The following SIK3 variants were observed in gnomAD, a reference collection of about 807,000 sequenced individuals.
SIK3 encodes SIK family kinase 3.
In SIK3, 28 loss-of-function variants were observed where a neutral mutation model predicts 144.2. That is an observed-to-expected ratio of 0.19 (90% CI 0.14 to 0.27). The LOEUF is 0.27. Ranked by LOEUF, SIK3 falls within the 10% of genes least tolerant of loss-of-function variation. SIK3 has a pLI of 1.00. For synonymous variants in SIK3, 686 were observed against 676.3 expected (o/e 1.01, Z -0.22); for missense variants, 1,319 against 1,776.0 (o/e 0.74, Z 4.62).
chr11:117,029,329 C>T lies in SIK3; in HGVS notation c.273+68814G>A, dbSNP rs1952158653. Among the ~76,000 whole-genome samples the T allele has an allele frequency of 2.0e-5, 3 of 152,086 alleles. No individual in the cohort carries two copies. In the South Asian group the frequency reaches 6.2e-4, roughly 32 times the overall value. ...AAAATTAGCTGGGCATGGTGGCAAG[C>T]ACCTATAGTCCCAGCTACTTAGGAG... On this transcript the variant is annotated intron_variant, in intron 1 of 24. Transcript: ENST00000445177.
rs78581689 is a variant in SIK3, at chr11:117,043,844, C to T, written c.273+54299G>A. On this transcript the variant is annotated intron_variant, in intron 1 of 24. Coordinates refer to ENST00000445177, the MANE Select transcript of SIK3 (RefSeq NM_001366686.3). ...TGTGTGAAACAAAACACAGTATAAACGATGTTTTATTCACCTTTATGCCAT... is the reference window on the plus strand; with the variant it reads ...TGTGTGAAACAAAACACAGTATAAATGATGTTTTATTCACCTTTATGCCAT... Among the ~76,000 whole-genome samples the T allele has an allele frequency of 8.4e-3, 1,286 of 152,272 alleles. 8 individuals are homozygous for T. The highest frequency in any genetic ancestry group is 0.012 in the Non-Finnish European group (826 of 68,012).
intron 1 of SIK3, among the ~76,000 whole-genome samples, chr11:117,083,844 T>C (rs1278457849): frequency 6.6e-6 from 1 of 152,182 alleles, no homozygotes; most frequent in Non-Finnish European, 1.5e-5. Flanking sequence ...TGTCAACTTG[T>C]TCCACAGAAC....
intron 3 of SIK3, among the ~76,000 whole-genome samples, chr11:116,931,555 G>A (rs1947603771): frequency 6.6e-6 from 1 of 152,198 alleles, no homozygotes; most frequent in African/African-American, 2.4e-5. Context: ...TACCCTGACA[G>A]CAGGACAAGC....
At chr11:116,969,868 G>A (rs1949707049) in intron 1 of SIK3, among the ~76,000 whole-genome samples, 1 of 152,198 alleles carries the variant, frequency 6.6e-6, no homozygotes, top group African/African-American at 2.4e-5. Flanking sequence ...AATGCAGTGG[G>A]TGCTGAGATT....
At chr11:116,879,704 G>C (rs1304671753) in intron 6 of SIK3, among the ~76,000 whole-genome samples, 2 of 152,136 alleles carry the variant, frequency 1.3e-5, no homozygotes, top group Non-Finnish European at 2.9e-5. Context: ...TCTTACATCA[G>C]GCATCAATTT....
intron 1 of SIK3, among the ~76,000 whole-genome samples, chr11:117,095,530 C>A (rs1955438113): frequency 1.3e-5 from 2 of 152,220 alleles, no homozygotes; most frequent in South Asian, 4.1e-4. Flanking sequence ...GCAGCAGCTT[C>A]GGCAACTTCT....
At chr11:116,960,582 A>G (rs1949306723) in intron 1 of SIK3, among the ~76,000 whole-genome samples, 1 of 152,200 alleles carries the variant, frequency 6.6e-6, no homozygotes, top group South Asian at 2.1e-4. Context: ...GCAGTTGAAT[A>G]TAGTACTGAA....
intron 1 of SIK3, among the ~76,000 whole-genome samples, chr11:117,069,549 C>A (rs1286448443): frequency 6.6e-6 from 1 of 152,158 alleles, no homozygotes; most frequent in African/African-American, 2.4e-5. Flanking sequence ...TTGTTCAAAT[C>A]ACCATCTAGA....
intron 3 of SIK3, among the ~76,000 whole-genome samples, chr11:116,938,606 GA>G (rs1429268546): frequency 9.9e-5 from 7 of 70,970 alleles, no homozygotes; most frequent in African/African-American, 3.3e-4. Flanking sequence ...GGGAGGAGAG[GA>G]GAGGAGAGGG....
chr11:117,078,065 A>G (rs1231792099), intron 1 of SIK3, among the ~76,000 whole-genome samples: 8 of 152,246 alleles, frequency 5.3e-5, no homozygotes, highest in African/African-American at 1.9e-4. Context: ...TTTCAATTGC[A>G]AAGAAAGCAA....
intron 1 of SIK3, among the ~76,000 whole-genome samples, chr11:117,002,566 GCA>G (rs1950892877): frequency 6.6e-6 from 1 of 151,534 alleles, no homozygotes; most frequent in Admixed American, 6.6e-5. Context: ...GTCCATCTGG[GCA>G]ATAGCTCCTC....
chr11:117,043,150 T>C (rs1487265320), intron 1 of SIK3, among the ~76,000 whole-genome samples: 2 of 152,294 alleles, frequency 1.3e-5, no homozygotes, highest in East Asian at 3.9e-4. Context: ...GGAGAAACAG[T>C]AGTTTTTGAT....
intron 1 of SIK3, among the ~76,000 whole-genome samples, chr11:116,976,187 CA>C (rs1949941189): frequency 6.6e-6 from 1 of 152,184 alleles, no homozygotes; most frequent in Admixed American, 6.5e-5. Flanking sequence ...GTATTGTCTG[CA>C]GAACAAAAGT....
intron 1 of SIK3, among the ~76,000 whole-genome samples, chr11:116,989,590 T>G (rs1314947948): frequency 7.2e-6 from 1 of 138,800 alleles, no homozygotes; most frequent in African/African-American, 2.5e-5. Context: ...GCAACCCAAG[T>G]TTTTTTTTTT....
chr11:116,966,803 C>G (rs1949564108), intron 1 of SIK3, among the ~76,000 whole-genome samples: 2 of 151,810 alleles, frequency 1.3e-5, no homozygotes, highest in South Asian at 4.2e-4. Context: ...AGTTTGAGAT[C>G]AGTCTGGCCA....
At chr11:117,078,219 G>GT (rs1479411046) in intron 1 of SIK3, among the ~76,000 whole-genome samples, 17 of 152,228 alleles carry the variant, frequency 1.1e-4, no homozygotes, top group African/African-American at 3.1e-4. Context: ...GTATTTCAGA[G>GT]TTTAAGAATT....
At chr11:116,947,564 T>TATGTATGC (rs1565488048) in intron 3 of SIK3, among the ~76,000 whole-genome samples, 2 of 60,284 alleles carry the variant, frequency 3.3e-5, no homozygotes, top group African/African-American at 8.9e-5. Context: ...TGTATGTATG[T>TATGTATGC]ATGTATTTTT....
chr11:117,088,141 G>A (rs1445167039), intron 1 of SIK3, among the ~76,000 whole-genome samples: 2 of 152,196 alleles, frequency 1.3e-5, no homozygotes, highest in African/African-American at 4.8e-5. Flanking sequence ...GGAGGCTGAA[G>A]TAGAAGGATG....
intron 1 of SIK3, among the ~76,000 whole-genome samples, chr11:117,028,320 T>G (rs1011008025): frequency 6.6e-6 from 1 of 152,200 alleles, no homozygotes; most frequent in Non-Finnish European, 1.5e-5. Context: ...GAAATATTTA[T>G]TAAACACCTA....
Sources: allele counts gnomAD v4.1 joint callset (sites outside exome capture counted in the v4.1 genomes callset), GRCh38; gene constraint gnomAD v4.1.1; transcripts MANE v1.5; gene names NCBI Gene and HGNC (gene_info 2026-07-23, HGNC 2026-07-21).